PARD3B: variants seen among roughly 807,000 people sequenced by gnomAD.
PARD3B encodes the protein partitioning defective 3 homolog B.
Under a neutral mutation model 130.2 loss-of-function variants are expected in PARD3B, and 103 were observed. The observed-to-expected ratio is 0.79, with a 90% CI of 0.67 to 0.93. PARD3B has a LOEUF of 0.93. PARD3B is among the 40% of genes least tolerant of loss of function. The pLI is 0.00. For missense variants in PARD3B, 1,609 were observed against 1,499.2 expected (o/e 1.07, Z -1.21); for synonymous variants, 583 against 553.2 (o/e 1.05, Z -0.76).
chr2:204,681,355 G>T (rs987654602), intron 1 of PARD3B, among the ~76,000 whole-genome samples: 1 of 152,076 alleles, frequency 6.6e-6, no homozygotes, highest in Non-Finnish European at 1.5e-5. Context: ...TATTGGACTT[G>T]CTAGGTGTTA....
rs188596093 is a variant in PARD3B at position 204,578,787 on chromosome 2, G to A, written c.120+32668G>A. Among the ~76,000 whole-genome samples the A allele has an allele frequency of 3.2e-3, 483 of 152,168 alleles. 5 individuals are homozygous for A. Among genetic ancestry groups the A allele is most frequent in the African/African-American group, 0.011 (454 of 41,524 alleles). ...GTTTGTGGATGTTTCCGGAGATCACGGTTAAAATCTTGAACTATGCACTCT... is the reference window on the plus strand; with the variant it reads ...GTTTGTGGATGTTTCCGGAGATCACAGTTAAAATCTTGAACTATGCACTCT... On this transcript the variant is annotated intron_variant, in intron 1 of 22. Transcript: ENST00000406610.
At chr2:205,480,675 C>T (rs2049197437) in intron 20 of PARD3B, among the ~76,000 whole-genome samples, 1 of 152,146 alleles carries the variant, frequency 6.6e-6, no homozygotes, top group Non-Finnish European at 1.5e-5. Flanking sequence ...GTGGTAGGCC[C>T]TGCCACTGGT....
intron 10 of PARD3B, among the ~76,000 whole-genome samples, chr2:205,126,951 C>T (rs959674163): frequency 6.6e-6 from 1 of 151,594 alleles, no homozygotes; most frequent in African/African-American, 2.4e-5. Context: ...CTTTTCTTAC[C>T]ATAAATAAAT....
At chr2:205,196,602 G>T (rs2036695806) in intron 15 of PARD3B, among the ~76,000 whole-genome samples, 1 of 151,796 alleles carries the variant, frequency 6.6e-6, no homozygotes, top group Non-Finnish European at 1.5e-5. Context: ...ATTTTCCTCT[G>T]GTACTTTTAG....
chr2:204,976,878 G>A (rs533948155), intron 3 of PARD3B, among the ~76,000 whole-genome samples: 1 of 152,086 alleles, frequency 6.6e-6, no homozygotes, highest in East Asian at 1.9e-4. Context: ...CCAAAGTGCT[G>A]GGATTACAGG....
At chr2:205,052,752 T>C (rs1699314904) in intron 4 of PARD3B, among the ~76,000 whole-genome samples, 1 of 152,052 alleles carries the variant, frequency 6.6e-6, no homozygotes, top group Non-Finnish European at 1.5e-5. Flanking sequence ...ATAATGAAGG[T>C]TAGTTCATCA....
intron 20 of PARD3B, among the ~76,000 whole-genome samples, chr2:205,452,945 G>A (rs2048154609): frequency 6.6e-6 from 1 of 152,170 alleles, no homozygotes; most frequent in Non-Finnish European, 1.5e-5. Context: ...TGTCATTTAA[G>A]CATTTAAGCA....
In PARD3B at chr2:205,116,895, T is replaced by C. The variant is rs1272930918; in HGVS notation, c.681-2026T>C. On this transcript the variant is annotated intron_variant, in intron 6 of 22. Transcript: ENST00000406610. This position sits in a 1 kb window ranked among gnomAD's most constrained non-coding sequence, Gnocchi z 4.5. ...ATTATTTAGATCAGTGAGGTTCACA[T>C]AGCATACTCCAGCTGTAATATGCCA... 2.0e-5 allele frequency among the ~76,000 whole-genome samples: 3 copies of C among 152,194 alleles called. No homozygotes were observed. The highest frequency in any genetic ancestry group is 1.3e-4 in the Admixed American group (2 of 15,278).
chr2:204,579,920 TTAA>T (rs1225456626), intron 1 of PARD3B, among the ~76,000 whole-genome samples: 1 of 152,258 alleles, frequency 6.6e-6, no homozygotes, highest in Non-Finnish European at 1.5e-5. Flanking sequence ...AAGTAGCAAG[TTAA>T]TAATGTATCA....
chr2:204,741,905 A>G (rs1312849063), intron 2 of PARD3B, among the ~76,000 whole-genome samples: 1 of 152,002 alleles, frequency 6.6e-6, no homozygotes. Flanking sequence ...TAACAATAGG[A>G]TTAAGTGATG....
intron 20 of PARD3B, among the ~76,000 whole-genome samples, chr2:205,452,790 C>T (rs1256385557): frequency 6.6e-6 from 1 of 152,136 alleles, no homozygotes; most frequent in East Asian, 1.9e-4. Flanking sequence ...CAATCTCCTC[C>T]TTTATTATGC....
At chr2:205,295,562 A>C (rs1196841356) in intron 16 of PARD3B, among the ~76,000 whole-genome samples, 4 of 152,228 alleles carry the variant, frequency 2.6e-5, no homozygotes, top group Non-Finnish European at 5.9e-5. Flanking sequence ...ACAAAGCTCT[A>C]GCTGGAAGAA....
chr2:205,482,065 C>A (rs73058133), intron 20 of PARD3B, among the ~76,000 whole-genome samples: 1 of 151,920 alleles, frequency 6.6e-6, no homozygotes, highest in African/African-American at 2.4e-5. Flanking sequence ...CTGCCCCATG[C>A]GAGCCACTCC....
chr2:204,922,034 T>G (rs2047700744), intron 2 of PARD3B, among the ~76,000 whole-genome samples: 1 of 152,098 alleles, frequency 6.6e-6, no homozygotes, highest in African/African-American at 2.4e-5. Flanking sequence ...TGGATTCTGA[T>G]GCCTTTTAAG....
chr2:205,605,167 A>G (rs1209864283), intron 22 of PARD3B, among the ~76,000 whole-genome samples: 1 of 152,206 alleles, frequency 6.6e-6, no homozygotes, highest in Non-Finnish European at 1.5e-5. Flanking sequence ...TCTTTAGCTC[A>G]GTGAAGTTTG....
At chr2:205,168,425 G>C (rs745687035) in intron 11 of PARD3B, among the ~76,000 whole-genome samples, 9 of 151,958 alleles carry the variant, frequency 5.9e-5, no homozygotes, top group Non-Finnish European at 1.3e-4. Flanking sequence ...AAAGTCAATT[G>C]AAAGTTAATA....
intron 22 of PARD3B, among the ~76,000 whole-genome samples, chr2:205,597,201 C>T (rs967323265): frequency 6.6e-5 from 10 of 152,096 alleles, no homozygotes; most frequent in African/African-American, 1.9e-4. Flanking sequence ...CTTGTAGTCC[C>T]CAGAGCCTAT....
chr2:205,344,423 A>T (rs1371775526), intron 18 of PARD3B, among the ~76,000 whole-genome samples: 1 of 152,034 alleles, frequency 6.6e-6, no homozygotes, highest in African/African-American at 2.4e-5. Context: ...CAGTGAAATG[A>T]CTTCTATGCT....
intron 20 of PARD3B, among the ~76,000 whole-genome samples, chr2:205,451,140 C>T (rs1313322049): frequency 6.6e-6 from 1 of 152,188 alleles, no homozygotes; most frequent in Admixed American, 6.5e-5. Context: ...TCCTCTCTTG[C>T]CTTTCCCAGT....
Sources: gnomAD v4.1 joint callset for allele counts (sites outside exome capture counted in the v4.1 genomes callset) on GRCh38, gnomAD v4.1.1 for gene constraint, Gnocchi (gnomAD v3.1) non-coding constraint, MANE v1.5 for transcripts, NCBI Gene and HGNC (gene_info 2026-07-23, HGNC 2026-07-21) for gene names.